Variants in PRKG1 observed in about 807,000 individuals in gnomAD.
PRKG1 encodes the protein cGMP-dependent protein kinase 1.
In PRKG1, 35 loss-of-function variants were observed where a neutral mutation model predicts 88.1. The observed-to-expected ratio is 0.40, with a 90% CI of 0.30 to 0.53. The LOEUF (loss-of-function observed/expected upper bound fraction) is 0.53. Ranked by LOEUF, PRKG1 falls within the 20% of genes least tolerant of loss-of-function variation. The pLI, the probability that PRKG1 is intolerant of heterozygous loss-of-function variation, is 0.59. For synonymous variants in PRKG1, 303 were observed against 292.5 expected, an observed-to-expected ratio of 1.04 and a Z score of -0.37; for missense variants, 540 against 839.8, an observed-to-expected ratio of 0.64 and a Z score of 4.41.
At chr10:51,176,407 A>G (rs1043827753) in intron 2 of PRKG1, among the ~76,000 whole-genome samples, 3 of 152,140 alleles carry the variant, frequency 2.0e-5, no homozygotes, top group East Asian at 1.9e-4. Flanking sequence ...GACATTTAGC[A>G]TATATAAATA....
intron 2 of PRKG1, among the ~76,000 whole-genome samples, chr10:51,206,381 T>C (rs1051444650): frequency 6.6e-6 from 1 of 151,198 alleles, no homozygotes; most frequent in African/African-American, 2.4e-5. Context: ...TAATCCCAGC[T>C]ACTTGGGAGG....
At chr10:51,219,621 A>G (rs1429892221) in intron 2 of PRKG1, among the ~76,000 whole-genome samples, 1 of 151,954 alleles carries the variant, frequency 6.6e-6, no homozygotes, top group African/African-American at 2.4e-5. Flanking sequence ...GAGACACGAG[A>G]ATCACTTGAA....
intron 3 of PRKG1, among the ~76,000 whole-genome samples, chr10:51,757,942 C>T (rs1260000277): frequency 6.6e-6 from 1 of 152,062 alleles, no homozygotes; most frequent in East Asian, 1.9e-4. Flanking sequence ...TCAGTTGCAG[C>T]CTAGGAGATA....
intron 1 of PRKG1, among the ~76,000 whole-genome samples, chr10:51,110,015 A>C (rs912170486): frequency 3.3e-5 from 5 of 152,126 alleles, no homozygotes; most frequent in African/African-American, 9.7e-5. Flanking sequence ...TGCAAACCAT[A>C]ATGTGAATCA....
At chr10:52,015,505 A>G (rs2133179811) in intron 5 of PRKG1, among the ~76,000 whole-genome samples, 1 of 152,236 alleles carries the variant, frequency 6.6e-6, no homozygotes, top group East Asian at 1.9e-4. Context: ...TGCTGCAAAG[A>G]TCTCTGACAT....
chr10:51,692,905 G>A (rs1027884679), intron 3 of PRKG1, among the ~76,000 whole-genome samples: 2 of 152,024 alleles, frequency 1.3e-5, no homozygotes, highest in African/African-American at 4.8e-5. Context: ...AATTAGCTAC[G>A]TACTTTTTAT....
intron 5 of PRKG1, among the ~76,000 whole-genome samples, chr10:51,958,472 T>C (rs937068517): frequency 1.3e-5 from 2 of 151,874 alleles, no homozygotes; most frequent in Non-Finnish European, 2.9e-5. Context: ...AGAGTTTTTT[T>C]TAGGATAACT....
chr10:51,762,720 G>A (rs191390109), intron 3 of PRKG1, among the ~76,000 whole-genome samples: 8 of 152,202 alleles, frequency 5.3e-5, no homozygotes, highest in African/African-American at 1.9e-4. Flanking sequence ...CCTTAAAATT[G>A]CTACTTAATT....
At chr10:52,263,804 C>A (rs1321129523) in intron 10 of PRKG1, among the ~76,000 whole-genome samples, 1 of 151,956 alleles carries the variant, frequency 6.6e-6, no homozygotes, top group African/African-American at 2.4e-5. Flanking sequence ...CTTGTGAGCT[C>A]AAGTGATGGG....
rs568932374 is a variant in PRKG1, at chr10:51,714,235, C to T, written c.593-90350C>T. Among the ~76,000 whole-genome samples, 11 of 152,334 alleles carry T rather than the reference C, an allele frequency of 7.2e-5. No homozygotes were observed. In the South Asian group the frequency reaches 2.3e-3, roughly 32 times the overall value. ...CCTCGTGATCCGCCCACCTCGGCCT[C>T]CCAAAGTGCTGGGATTACAGGCGTG... On this transcript the variant is annotated intron_variant, in intron 3 of 17. Coordinates refer to ENST00000373980, the MANE Select transcript of PRKG1 (RefSeq NM_006258.4).
chr10:51,841,743 C>T (rs536807828), intron 4 of PRKG1, among the ~76,000 whole-genome samples: 40 of 152,046 alleles, frequency 2.6e-4, no homozygotes, highest in African/African-American at 9.4e-4. Context: ...AGTGCAGTGG[C>T]GCGATTTCAG....
chr10:51,760,992 T>G (rs1280723837), intron 3 of PRKG1, among the ~76,000 whole-genome samples: 5 of 152,068 alleles, frequency 3.3e-5, no homozygotes, highest in Non-Finnish European at 5.9e-5. Context: ...TGCATGCCTG[T>G]ATCCCAACTA....
intron 7 of PRKG1, among the ~76,000 whole-genome samples, chr10:52,071,960 A>G (rs1365794827): frequency 2.0e-5 from 3 of 152,074 alleles, no homozygotes; most frequent in Admixed American, 6.6e-5. Flanking sequence ...AGTTATTTAT[A>G]CTGCGTGTGC....
intron 4 of PRKG1, among the ~76,000 whole-genome samples, chr10:51,843,045 G>A (rs1438202365): frequency 6.9e-6 from 1 of 144,034 alleles, no homozygotes; most frequent in Non-Finnish European, 1.5e-5. Context: ...ACCTATAGAT[G>A]TAAATTTTTC....
chr10:52,212,908 G>T (rs1840016813), intron 9 of PRKG1, among the ~76,000 whole-genome samples: 1 of 152,126 alleles, frequency 6.6e-6, no homozygotes, highest in Admixed American at 6.6e-5. Flanking sequence ...AAATTGAACA[G>T]GAATTTCAAC....
intron 3 of PRKG1, among the ~76,000 whole-genome samples, chr10:51,539,516 A>C (rs2132108848): frequency 6.6e-6 from 1 of 152,326 alleles, no homozygotes; most frequent in Admixed American, 6.5e-5. Context: ...ATCTCTGGGA[A>C]GCATTTGGAG....
intron 2 of PRKG1, among the ~76,000 whole-genome samples, chr10:51,174,019 C>A (rs1430307281): frequency 6.6e-6 from 1 of 151,606 alleles, no homozygotes; most frequent in Non-Finnish European, 1.5e-5. Flanking sequence ...AAGAAGTATC[C>A]CTCAAGTATA....
At chr10:51,984,672 T>C (rs1485905071) in intron 5 of PRKG1, among the ~76,000 whole-genome samples, 1 of 152,174 alleles carries the variant, frequency 6.6e-6, no homozygotes, top group East Asian at 1.9e-4. Context: ...TGGAATGTGC[T>C]ACAATGTAAC....
chr10:51,630,399 C>G (rs1418493882), intron 3 of PRKG1, among the ~76,000 whole-genome samples: 1 of 152,174 alleles, frequency 6.6e-6, no homozygotes, highest in Non-Finnish European at 1.5e-5. Flanking sequence ...GACTGAGAAG[C>G]AACCTCTTTG....
Sources: allele counts gnomAD v4.1 joint callset (sites outside exome capture counted in the v4.1 genomes callset), GRCh38; gene constraint gnomAD v4.1.1; transcripts MANE v1.5; gene names NCBI Gene and HGNC (gene_info 2026-07-23, HGNC 2026-07-21).